PTDSS1: variants seen among roughly 807,000 people sequenced by gnomAD.
PTDSS1 encodes the protein phosphatidylserine synthase 1, also known as PSS-1.
PTDSS1 carries 45 observed loss-of-function variants against 70.5 expected under a neutral mutation model. The ratio of observed to expected loss-of-function variants is 0.64; its 90% CI spans 0.50 to 0.82. The LOEUF is 0.82. PTDSS1 is among the 40% of genes least tolerant of loss of function. The probability of loss-of-function intolerance (pLI) is 0.00; values close to 1 mark genes in which losing one functional copy is unlikely to be tolerated. For missense variants in PTDSS1, 417 were observed against 586.1 expected, an observed-to-expected ratio of 0.71 and a Z score of 2.98; for synonymous variants, 188 against 203.8, an observed-to-expected ratio of 0.92 and a Z score of 0.66.
At chr8:96,315,250 T>C (rs1811270675) in intron 9 of PTDSS1, among the ~76,000 whole-genome samples, 2 of 152,186 alleles carry the variant, frequency 1.3e-5, no homozygotes, top group Non-Finnish European at 2.9e-5. Context: ...ATTTCCACTA[T>C]TGGAGGCTGG....
intron 4 of PTDSS1, among the ~76,000 whole-genome samples, chr8:96,290,618 CA>C (rs1373423988): frequency 2.0e-5 from 3 of 152,110 alleles, no homozygotes; most frequent in Non-Finnish European, 4.4e-5. Context: ...TCTCTAATCC[CA>C]TCCCTTTATA....
intron 1 of PTDSS1, among the ~76,000 whole-genome samples, chr8:96,270,807 A>G (rs1421124730): frequency 6.6e-6 from 1 of 152,076 alleles, no homozygotes; most frequent in Non-Finnish European, 1.5e-5. Context: ...TTTAATCAAC[A>G]TTTTCCCACC....
At position 96,336,326 on chromosome 8, in the gene PTDSS1, T is replaced by TC. The variant is rs1253345951; in HGVS notation, c.*2760_*2761insC. The TC allele has an allele frequency of 2.0e-5, 3 of 152,040 alleles. No individual in the cohort carries two copies. Among genetic ancestry groups the TC allele is most frequent in the Non-Finnish European group, 4.4e-5 (3 of 68,056 alleles). 9.4% of individuals were successfully genotyped at this position (152,040 alleles called of 1,614,324 possible). A position where few individuals can be genotyped will look rare whatever the true frequency, so the allele number is the denominator to read the frequency against. On this transcript the variant is annotated 3_prime_UTR_variant, in exon 13 of 13. Coordinates refer to ENST00000517309, the MANE Select transcript of PTDSS1 (RefSeq NM_014754.3). ...GAAGCCACCGTGTAGCACCCTGGAA[T>TC]GATGCCTCTTTATGCCAAGGCCCAC...
At chr8:96,266,277 C>T (rs376906896) in intron 1 of PTDSS1, among the ~76,000 whole-genome samples, 15 of 152,344 alleles carry the variant, frequency 9.8e-5, no homozygotes, top group African/African-American at 3.1e-4. Flanking sequence ...TGCCTTTCTG[C>T]GGATTTGTGT....
chr8:96,291,561 A>G (rs1810904790), intron 4 of PTDSS1, among the ~76,000 whole-genome samples: 1 of 152,116 alleles, frequency 6.6e-6, no homozygotes. Flanking sequence ...TTTATTCAAA[A>G]TAGGATCCAG....
chr8:96,324,073 AG>A (rs1811407032), intron 10 of PTDSS1, among the ~76,000 whole-genome samples: 1 of 152,194 alleles, frequency 6.6e-6, no homozygotes, highest in Non-Finnish European at 1.5e-5. Flanking sequence ...AATTCAGCCA[AG>A]GTCTTTGCTA....
chr8:96,312,290 A>G (rs914906518), intron 9 of PTDSS1, among the ~76,000 whole-genome samples: 7 of 152,156 alleles, frequency 4.6e-5, no homozygotes, highest in African/African-American at 1.4e-4. Context: ...GTCTCCACAA[A>G]AAGTTTTTTA....
chr8:96,333,852 TATTC>T lies in PTDSS1; in HGVS notation c.*292_*295del, dbSNP rs1811556819. Reference sequence around the variant, plus strand: ...CGGTGTGTTGAAGGGAAACGGTAGCTATTCATTCACAGTTGCCAAGAGCAGCTCC... The same window carrying T: ...CGGTGTGTTGAAGGGAAACGGTAGCTATTCACAGTTGCCAAGAGCAGCTCC... On this transcript the variant is annotated 3_prime_UTR_variant, in exon 13 of 13. Transcript: ENST00000517309. The T allele has an allele frequency of 1.5e-6, 1 of 647,312 alleles. No homozygotes were observed. Among genetic ancestry groups the T allele is most frequent in the Admixed American group, 2.4e-5 (1 of 41,182 alleles). The allele number at this position is 647,312 out of a possible 1,614,324, so 40.1% of individuals were successfully genotyped here.
intron 12 of PTDSS1, among the ~76,000 whole-genome samples, chr8:96,332,017 TAAAAAAAAAAAA>T (rs59720395): frequency 1.6e-5 from 1 of 63,784 alleles, no homozygotes; most frequent in East Asian, 6.0e-4. Flanking sequence ...CCCTGCCTCT[TAAAAAAAAAAAA>T]AAAAAAAAAA....
intron 12 of PTDSS1, among the ~76,000 whole-genome samples, chr8:96,333,231 C>T (rs1811542933): frequency 6.6e-6 from 1 of 152,196 alleles, no homozygotes; most frequent in Non-Finnish European, 1.5e-5. Flanking sequence ...CAGGAACCAC[C>T]CAGACTTTGG....
intron 1 of PTDSS1, 103 bp from the exon 2 acceptor site, chr8:96,273,196 C>T (rs979759360): frequency 9.7e-6 from 7 of 718,674 alleles, no homozygotes; most frequent in Non-Finnish European, 1.6e-5. Flanking sequence ...TCCTGTCATA[C>T]ATCTGGCAGT....
chr8:96,273,062 G>A (rs1810588628), intron 1 of PTDSS1, among the ~76,000 whole-genome samples: 1 of 152,154 alleles, frequency 6.6e-6, no homozygotes, highest in Non-Finnish European at 1.5e-5. Flanking sequence ...ATATAGTCTG[G>A]TTTTATAATC....
chr8:96,301,804 C>T (rs539376864), intron 6 of PTDSS1, among the ~76,000 whole-genome samples: 19 of 151,330 alleles, frequency 1.3e-4, no homozygotes, highest in African/African-American at 4.6e-4. Context: ...GCGTGAGCAC[C>T]GTGCCCAGCC....
At chr8:96,325,264 G>C (rs771613482) in intron 10 of PTDSS1, among the ~76,000 whole-genome samples, 7 of 152,180 alleles carry the variant, frequency 4.6e-5, no homozygotes, top group Non-Finnish European at 1.0e-4. Flanking sequence ...TCTCTCTAGG[G>C]AACTGCTCTT....
intron 1 of PTDSS1, among the ~76,000 whole-genome samples, chr8:96,266,873 A>G (rs1810494729): frequency 6.6e-6 from 1 of 152,146 alleles, no homozygotes; most frequent in East Asian, 1.9e-4. Flanking sequence ...TTATGTCCAT[A>G]ATACGATTTC....
At chr8:96,288,540 G>A (rs1247652350) in intron 4 of PTDSS1, among the ~76,000 whole-genome samples, 4 of 151,836 alleles carry the variant, frequency 2.6e-5, no homozygotes, top group African/African-American at 9.7e-5. Context: ...TGGCCAGGCT[G>A]GTCGCAAACT....
intron 2 of PTDSS1, among the ~76,000 whole-genome samples, chr8:96,276,975 C>G (rs890418860): frequency 9.9e-6 from 1 of 101,258 alleles, no homozygotes; most frequent in Admixed American, 1.2e-4. Flanking sequence ...CGCGCGCACG[C>G]GCGCGCACAC....
chr8:96,301,379 G>A (rs898710215), intron 6 of PTDSS1, among the ~76,000 whole-genome samples: 1 of 151,986 alleles, frequency 6.6e-6, no homozygotes, highest in African/African-American at 2.4e-5. Context: ...ACAGGCGTGA[G>A]CCACTGTGCC....
chr8:96,263,544 A>C (rs1810443002), intron 1 of PTDSS1, among the ~76,000 whole-genome samples: 1 of 152,222 alleles, frequency 6.6e-6, no homozygotes, highest in African/African-American at 2.4e-5. Flanking sequence ...AATGTGTGTG[A>C]ATGCATTTAG....
Sources: allele counts gnomAD v4.1 joint callset (sites outside exome capture counted in the v4.1 genomes callset), GRCh38; gene constraint gnomAD v4.1.1; transcripts MANE v1.5; gene names NCBI Gene and HGNC (gene_info 2026-07-23, HGNC 2026-07-21).